NEDD9: variants seen among roughly 807,000 people sequenced by gnomAD.
NEDD9 encodes the protein neural precursor cell expressed, developmentally down-regulated 9.
A neutral mutation model predicts 76.6 loss-of-function variants in NEDD9; 26 were observed. The ratio of observed to expected loss-of-function variants is 0.34; its 90% confidence interval spans 0.25 to 0.47. The LOEUF is 0.47. NEDD9 is among the 20% of genes least tolerant of loss of function. The pLI is 1.00. For missense variants in NEDD9, 937 were observed against 1,058.5 expected, an observed-to-expected ratio of 0.89 and a Z score of 1.59; for synonymous variants, 392 against 414.2, an observed-to-expected ratio of 0.95 and a Z score of 0.65.
At chr6:11,221,085 T>C (rs907683448) in intron 1 of NEDD9, among the ~76,000 whole-genome samples, 1 of 152,088 alleles carries the variant, frequency 6.6e-6, no homozygotes, top group Non-Finnish European at 1.5e-5. Flanking sequence ...CTCCTGAGAA[T>C]CTTAAAGAAG....
At chr6:11,331,237 G>A (rs1051684749) in intron 2 of NEDD9, among the ~76,000 whole-genome samples, 1 of 152,082 alleles carries the variant, frequency 6.6e-6, no homozygotes, top group African/African-American at 2.4e-5. Context: ...GGGGAACTGC[G>A]GTATAAGAAT....
At chr6:11,214,092 C>A in intron 1 of NEDD9, 1 of 440,690 alleles carries the variant, frequency 2.3e-6, no homozygotes, top group Admixed American at 3.0e-5. Flanking sequence ...AAAAAAAATC[C>A]CGAGATATTC....
At chr6:11,249,353 A>G (rs1759869366) in intron 3 of NEDD9, 1 of 370,582 alleles carries the variant, frequency 2.7e-6, no homozygotes, top group African/African-American at 2.1e-5. Flanking sequence ...TCAGGGCTCT[A>G]TAAAGTCTGT....
chr6:11,345,038 G>C lies in NEDD9; in HGVS notation c.-213-10477C>G, dbSNP rs151077493. On this transcript the variant is annotated intron_variant, in intron 1 of 3. Transcript: ENST00000397378. ...TTGTGGAAGTAGAGAAGATATTATG[G>C]AAGAAAGGTATTTTTGTAAGATCTT... is the stretch of plus-strand genomic sequence containing the variant. 2.1e-3 allele frequency among the ~76,000 whole-genome samples: 319 copies of C among 152,302 alleles called. 3 individuals are homozygous for C. The highest frequency in any genetic ancestry group is 7.0e-3 in the African/African-American group (293 of 41,572).
chr6:11,280,005 T>C (rs1225418829), intron 3 of NEDD9, among the ~76,000 whole-genome samples: 1 of 152,156 alleles, frequency 6.6e-6, no homozygotes, highest in East Asian at 1.9e-4. Context: ...CTGGGCAGGA[T>C]TCTCATCCTT....
intron 3 of NEDD9, among the ~76,000 whole-genome samples, chr6:11,253,482 C>A (rs1190296019): frequency 6.6e-6 from 1 of 152,170 alleles, no homozygotes; most frequent in Non-Finnish European, 1.5e-5. Flanking sequence ...CCTTTTCTTT[C>A]CCTGCACAAC....
chr6:11,327,560 C>T (rs1337910291), intron 2 of NEDD9, among the ~76,000 whole-genome samples: 4 of 152,292 alleles, frequency 2.6e-5, no homozygotes, highest in East Asian at 3.9e-4. Flanking sequence ...CCACGTTACT[C>T]GATGATCTGT....
At chr6:11,270,157 T>C (rs1430872465) in intron 3 of NEDD9, among the ~76,000 whole-genome samples, 1 of 152,212 alleles carries the variant, frequency 6.6e-6, no homozygotes, top group Non-Finnish European at 1.5e-5. Flanking sequence ...CACTCTCTTG[T>C]TGATAAACAA....
At chr6:11,255,403 T>C (rs1344197986) in intron 3 of NEDD9, among the ~76,000 whole-genome samples, 7 of 152,250 alleles carry the variant, frequency 4.6e-5, no homozygotes, top group Admixed American at 2.0e-4. Flanking sequence ...AAATTCGCGT[T>C]GCCATGATAG....
intron 1 of NEDD9, among the ~76,000 whole-genome samples, chr6:11,376,243 CTG>C (rs1421939862): frequency 1.3e-5 from 2 of 152,066 alleles, no homozygotes; most frequent in Admixed American, 6.5e-5. Flanking sequence ...ATAAAGATAA[CTG>C]AAAATGTGGA....
chr6:11,270,537 T>C (rs927450494), intron 3 of NEDD9, among the ~76,000 whole-genome samples: 4 of 152,184 alleles, frequency 2.6e-5, no homozygotes, highest in Admixed American at 6.5e-5. Flanking sequence ...CACTTGGCCA[T>C]GGCTTATCAG....
At position 11,184,739 on chromosome 6, in the gene NEDD9, G is replaced by A. The variant is rs1757932205; in HGVS notation, c.*423C>T. 2.5e-5 allele frequency: 4 copies of A among 159,530 alleles called. No individual in the cohort carries two copies. In the South Asian group the frequency reaches 7.0e-4, roughly 28 times the overall value. The allele number at this position is 159,530 out of a possible 1,614,324, so 9.9% of individuals were successfully genotyped here. The stretch of plus-strand genomic sequence containing the variant: ...GTGCCAGGCTCAGAATCATCACAAG[G>A]ACGTGGAGAACAATATTATAACCAG... On this transcript the variant is annotated 3_prime_UTR_variant, in exon 7 of 7. Transcript: ENST00000379446.
At chr6:11,281,950 G>T (rs1052961396) in intron 3 of NEDD9, among the ~76,000 whole-genome samples, 17 of 152,058 alleles carry the variant, frequency 1.1e-4, no homozygotes, top group African/African-American at 4.1e-4. Context: ...TATTGGCCAG[G>T]CTTGTCTAGA....
intron 1 of NEDD9, among the ~76,000 whole-genome samples, chr6:11,340,677 A>T (rs965323757): frequency 4.6e-5 from 7 of 152,220 alleles, no homozygotes; most frequent in Non-Finnish European, 7.3e-5. Flanking sequence ...AAACTCAGCC[A>T]TCGACCTTGA....
At chr6:11,242,707 A>T (rs1377652926) in intron 3 of NEDD9, among the ~76,000 whole-genome samples, 1 of 151,660 alleles carries the variant, frequency 6.6e-6, no homozygotes, top group Non-Finnish European at 1.5e-5. Flanking sequence ...TGTGCCCCCT[A>T]ATCTTTCCCA....
chr6:11,347,011 C>T lies in NEDD9; in HGVS notation c.-213-12450G>A, dbSNP rs572933401. ...TCATGTATCTCCATGGGCTAAGAGG[C>T]CCCAAAGCACAACTCACCAGCCTGC... On this transcript the variant is annotated intron_variant, in intron 1 of 3. Coordinates refer to the NEDD9 transcript ENST00000397378. Among the ~76,000 whole-genome samples, 7 of 152,182 alleles carry T rather than the reference C, an allele frequency of 4.6e-5. No individual in the cohort carries two copies. In the East Asian group the frequency reaches 1.4e-3, roughly 29 times the overall value.
chr6:11,345,394 G>A (rs1024785963), intron 1 of NEDD9, among the ~76,000 whole-genome samples: 1 of 152,126 alleles, frequency 6.6e-6, no homozygotes, highest in African/African-American at 2.4e-5. Context: ...ACTTGTACAT[G>A]GAGCTGTCTT....
chr6:11,237,201 G>A (rs762891952), upstream of NEDD9, among the ~76,000 whole-genome samples: 34 of 152,194 alleles, frequency 2.2e-4, no homozygotes, highest in Admixed American at 9.8e-4. The surrounding 1 kb of genome is among the most constrained non-coding windows in gnomAD (Gnocchi z 4.9). Flanking sequence ...GGCTTTCCAC[G>A]TTGTCTCATA....
intron 3 of NEDD9, among the ~76,000 whole-genome samples, chr6:11,255,363 A>G (rs534947916): frequency 6.6e-6 from 1 of 152,332 alleles, no homozygotes; most frequent in African/African-American, 2.4e-5. Context: ...TTAATGTAAA[A>G]CTGCAATTTT....
Sources: gnomAD v4.1 joint callset for allele counts (sites outside exome capture counted in the v4.1 genomes callset) on GRCh38, gnomAD v4.1.1 for gene constraint, Gnocchi (gnomAD v3.1) non-coding constraint, MANE v1.5 for transcripts, NCBI Gene and HGNC (gene_info 2026-07-23, HGNC 2026-07-21) for gene names.